ARHGEF26: variants seen among roughly 807,000 people sequenced by gnomAD.
ARHGEF26 encodes Rho guanine nucleotide exchange factor 26, also known as Rho guanine nucleotide exchange factor (GEF) 26.
A neutral mutation model predicts 89.4 loss-of-function variants in ARHGEF26; 59 were observed. The observed-to-expected ratio is 0.66, with a 90% CI of 0.54 to 0.82. The LOEUF is 0.82. ARHGEF26 is among the 40% of genes least tolerant of loss of function. The pLI is 0.00. For missense variants in ARHGEF26, 1,234 were observed against 1,085.6 expected, an observed-to-expected ratio of 1.14 and a Z score of -1.92; for synonymous variants, 500 against 428.4, an observed-to-expected ratio of 1.17 and a Z score of -2.06.
chr3:154,230,303 G>A (rs190121390), intron 11 of ARHGEF26, among the ~76,000 whole-genome samples: 9 of 152,308 alleles, frequency 5.9e-5, no homozygotes, highest in East Asian at 3.9e-4. Flanking sequence ...AGATGAAGAC[G>A]CTGAGGAAAA....
chr3:154,224,241 A>G (rs895330937), intron 10 of ARHGEF26, among the ~76,000 whole-genome samples: 4 of 152,172 alleles, frequency 2.6e-5, no homozygotes, highest in Non-Finnish European at 5.9e-5. Context: ...TCTTCTAACA[A>G]TAAATCTGAA....
chr3:154,139,954 G>A (rs1719255419), intron 4 of ARHGEF26, among the ~76,000 whole-genome samples: 1 of 152,136 alleles, frequency 6.6e-6, no homozygotes, highest in African/African-American at 2.4e-5. Flanking sequence ...TTCCCTCTTT[G>A]TAGGAAATAA....
chr3:154,232,637 G>C (rs1716889991), intron 11 of ARHGEF26, among the ~76,000 whole-genome samples: 1 of 152,120 alleles, frequency 6.6e-6, no homozygotes, highest in African/African-American at 2.4e-5. Context: ...AAAAAAAATA[G>C]CTGACATTTA....
At chr3:154,210,516 T>C (rs1092285) in intron 9 of ARHGEF26, among the ~76,000 whole-genome samples, 16,175 of 151,346 alleles carry the variant, frequency 0.11, 1,164 homozygotes, top group Non-Finnish European at 0.16. Context: ...GGTTTCACCA[T>C]GCTGGCCAGG....
chr3:154,217,477 T>G (rs1031276086), intron 9 of ARHGEF26, among the ~76,000 whole-genome samples: 2 of 152,100 alleles, frequency 1.3e-5, no homozygotes, highest in Non-Finnish European at 2.9e-5. Flanking sequence ...TTCTCCCATT[T>G]TGTAGGTTGC....
At position 154,249,977 on chromosome 3, in the gene ARHGEF26, G is replaced by C. The variant is rs140842889; in HGVS notation, c.2301-3139G>C. 2.3e-3 allele frequency among the ~76,000 whole-genome samples: 354 copies of C among 152,236 alleles called. 1 individual carries two copies. The highest frequency in any genetic ancestry group is 7.9e-3 in the African/African-American group (328 of 41,554). On this transcript the variant is annotated intron_variant, in intron 12 of 14. Transcript: ENST00000465093. ...CTAGAATCCATCTTATAACAACTTA[G>C]TTCCTGCTTTAGAGATGTAGTACTT... is the stretch of plus-strand genomic sequence containing the variant.
chr3:154,231,551 C>T (rs1158882030), intron 11 of ARHGEF26, among the ~76,000 whole-genome samples: 1 of 150,070 alleles, frequency 6.7e-6, no homozygotes, highest in Non-Finnish European at 1.5e-5. Flanking sequence ...TGCTAAGTAA[C>T]TGATACATGC....
intron 13 of ARHGEF26, among the ~76,000 whole-genome samples, chr3:154,253,646 A>G (rs943033532): frequency 6.6e-6 from 1 of 152,194 alleles, no homozygotes; most frequent in African/African-American, 2.4e-5. Flanking sequence ...AAATTACCTA[A>G]GAATTCTTTT....
intron 4 of ARHGEF26, among the ~76,000 whole-genome samples, chr3:154,131,958 A>G (rs1718704940): frequency 6.6e-6 from 1 of 152,252 alleles, no homozygotes; most frequent in Non-Finnish European, 1.5e-5. Context: ...TTGATATCAT[A>G]GAACTATCTT....
At chr3:154,121,592 C>T in intron 1 of ARHGEF26, 73 bp downstream of exon 1, 1 of 189,808 alleles carries the variant, frequency 5.3e-6, no homozygotes. Flanking sequence ...TGGATGGCGA[C>T]AGAAGGGAGC....
In ARHGEF26 at chr3:154,152,815, GC is replaced by G; in HGVS notation, c.1371del (p.Leu458TrpfsTer4). ...VISSEHSYLL[S>X]LEILIRMFKN... ...TCCTCTGAACATTCATATTTACTCA[GC>G]TTGGAGATCTTGATACGAATGTTTA... On this transcript the variant is annotated frameshift_variant, in exon 6 of 15. Coordinates refer to ENST00000465093, the MANE Select transcript of ARHGEF26 (RefSeq NM_015595.4). LOFTEE classifies it high-confidence loss of function. 1 of 1,564,354 alleles carries G rather than the reference GC, an allele frequency of 6.4e-7. No homozygotes were observed. Among genetic ancestry groups the G allele is most frequent in the Non-Finnish European group, 8.7e-7 (1 of 1,153,214 alleles).
chr3:154,142,761 T>A (rs1024872836), intron 4 of ARHGEF26, among the ~76,000 whole-genome samples: 4 of 152,238 alleles, frequency 2.6e-5, no homozygotes, highest in African/African-American at 9.6e-5. Flanking sequence ...CCTTAACCCC[T>A]TGACTCATAC....
intron 6 of ARHGEF26, among the ~76,000 whole-genome samples, chr3:154,166,474 T>G (rs901886505): frequency 5.3e-5 from 8 of 152,228 alleles, no homozygotes; most frequent in African/African-American, 1.7e-4. Context: ...GAAAAACAGA[T>G]GGAGCAGAAA....
intron 6 of ARHGEF26, among the ~76,000 whole-genome samples, chr3:154,153,947 C>T (rs541686345): frequency 4.0e-5 from 6 of 151,896 alleles, no homozygotes; most frequent in East Asian, 1.9e-4. Context: ...TGAAGAAATC[C>T]GGTCATTTGT....
At chr3:154,197,651 G>A (rs1038549259) in intron 9 of ARHGEF26, among the ~76,000 whole-genome samples, 2 of 152,152 alleles carry the variant, frequency 1.3e-5, no homozygotes, top group African/African-American at 2.4e-5. Flanking sequence ...CATGCATGTT[G>A]CCTTAAAGAC....
chr3:154,149,757 A>G (rs1719906738), intron 5 of ARHGEF26, among the ~76,000 whole-genome samples: 1 of 152,182 alleles, frequency 6.6e-6, no homozygotes, highest in Non-Finnish European at 1.5e-5. Context: ...CTGAAAAAGG[A>G]TGTTTATGGA....
rs149574373 is a variant in ARHGEF26 at position 154,215,448 on chromosome 3, A to G, written c.1846-2421A>G. ...CCCTTCCGTGAGGTTAGGGATTGTA[A>G]GTATTATAACCCTAGTACCTGAAAC... On this transcript the variant is annotated intron_variant, in intron 9 of 14. Transcript: ENST00000465093. Among the ~76,000 whole-genome samples the G allele has an allele frequency of 6.5e-4, 98 of 151,862 alleles. 1 individual carries two copies. The East Asian group carries it at 0.015, about 23-fold the overall frequency.
In ARHGEF26 at chr3:154,255,464, C is replaced by G; in HGVS notation, c.2607C>G (p.Thr869=). ...TGGGACGCTTGCTAGGACTGGAGAC[C>G]AACGTGTAGTCTCTCAGATGGTCTT... is the stretch of plus-strand genomic sequence containing the variant. ...ERMGRLLGLE[T]NV is the part of the protein sequence containing the mutation. The change falls in exon 15 of 15, where the codon ACC becomes ACG. Residue 869 remains threonine, a synonymous_variant. Coordinates refer to ENST00000465093, the MANE Select transcript of ARHGEF26 (RefSeq NM_015595.4). 6.2e-7 allele frequency: 1 copy of G among 1,612,748 alleles called. No individual in the cohort carries two copies. The highest frequency in any genetic ancestry group is 8.5e-7 in the Non-Finnish European group (1 of 1,179,270).
At position 154,122,390 on chromosome 3, in the gene ARHGEF26, T is replaced by G. The variant is rs769461595; in HGVS notation, c.398T>G (p.Val133Gly). The stretch of plus-strand genomic sequence containing the variant: ...CCGAAATCCCCAGCAAATGGCGCGG[T>G]GACCTTGCCTGCGCCGCCGCCGCCG... ...GSPKSPANGA[V>G]TLPAPPPPPV... The change falls in exon 2 of 15, where the codon GTG becomes GGG. Residue 133 changes from valine (V) to glycine (G), a missense_variant. Val to Gly is a moderately radical substitution (Grantham distance 109). Coordinates refer to ENST00000465093, the MANE Select transcript of ARHGEF26 (RefSeq NM_015595.4). 3.1e-6 allele frequency: 5 copies of G among 1,610,892 alleles called. No individual in the cohort carries two copies. The highest frequency in any genetic ancestry group is 4.2e-6 in the Non-Finnish European group (5 of 1,179,098).
Sources: gnomAD v4.1 joint callset for allele counts (sites outside exome capture counted in the v4.1 genomes callset) on GRCh38, gnomAD v4.1.1 for gene constraint, MANE v1.5 for transcripts, NCBI Gene and HGNC (gene_info 2026-07-23, HGNC 2026-07-21) for gene names.